UNC13C: variants seen among roughly 807,000 people sequenced by gnomAD.
The protein encoded by UNC13C is unc-13 homolog C.
In UNC13C, 174 loss-of-function variants were observed where a neutral mutation model predicts 245.4. That is an observed-to-expected ratio of 0.71 (90% CI 0.63 to 0.80). The LOEUF (loss-of-function observed/expected upper bound fraction) is 0.80. UNC13C is among the 30% of genes least tolerant of loss of function. The pLI, the probability that UNC13C is intolerant of heterozygous loss-of-function variation, is 0.00. For missense variants in UNC13C, 2,829 were observed against 2,602.9 expected, an observed-to-expected ratio of 1.09 and a Z score of -1.89; for synonymous variants, 992 against 895.1, an observed-to-expected ratio of 1.11 and a Z score of -1.93.
At chr15:54,429,672 A>G (rs982074836) in intron 19 of UNC13C, among the ~76,000 whole-genome samples, 3 of 151,650 alleles carry the variant, frequency 2.0e-5, no homozygotes, top group Non-Finnish European at 4.4e-5. Context: ...AATTCTACAC[A>G]AGGTACATTC....
chr15:54,193,493 T>C (rs2034255459), intron 4 of UNC13C, among the ~76,000 whole-genome samples: 1 of 152,122 alleles, frequency 6.6e-6, no homozygotes, highest in Non-Finnish European at 1.5e-5. Context: ...TTTTTCTCCT[T>C]CCCCTGTATC....
At chr15:54,097,366 T>C (rs1567011240) in intron 2 of UNC13C, among the ~76,000 whole-genome samples, 1 of 152,222 alleles carries the variant, frequency 6.6e-6, no homozygotes, top group Non-Finnish European at 1.5e-5. Flanking sequence ...ACAGGAGATA[T>C]GGATCTACCT....
chr15:53,866,788 TGA>T, the UNC13C span, among the ~76,000 whole-genome samples: 1 of 152,236 alleles, frequency 6.6e-6, no homozygotes, highest in Non-Finnish European at 1.5e-5. Context: ...TCACTAATTC[TGA>T]GAGTGTTGAA....
chr15:54,280,990 G>C (rs527385151), intron 10 of UNC13C, among the ~76,000 whole-genome samples: 1 of 151,830 alleles, frequency 6.6e-6, no homozygotes, highest in East Asian at 1.9e-4. Flanking sequence ...TAGAGATGAG[G>C]ATTTGCCATG....
rs139700618 is a variant in UNC13C at position 53,985,119 on chromosome 15, C to T, written c.-257+6192C>T. On this transcript the variant is annotated intron_variant, in intron 1 of 32. Coordinates refer to ENST00000260323, the MANE Select transcript of UNC13C (RefSeq NM_001080534.3). ...CCTCAATCCCCACCCTCCAACAGGC[C>T]CTGGTGTGTGTTGTTCCCCTCTCTG... Among the ~76,000 whole-genome samples the T allele has an allele frequency of 1.7e-3, 257 of 151,942 alleles. 1 individual carries two copies. The highest frequency in any genetic ancestry group is 3.1e-3 in the Admixed American group (47 of 15,268).
At chr15:54,188,813 T>C (rs374030330) in intron 4 of UNC13C, among the ~76,000 whole-genome samples, 2 of 152,192 alleles carry the variant, frequency 1.3e-5, no homozygotes, top group East Asian at 3.8e-4. Flanking sequence ...TATTGGAAAT[T>C]TAAAATTGAT....
chr15:54,337,119 T>C (rs890575733), intron 16 of UNC13C, among the ~76,000 whole-genome samples: 11 of 152,192 alleles, frequency 7.2e-5, no homozygotes, highest in African/African-American at 2.7e-4. Context: ...TCTCATGTTT[T>C]ATTTCTCTCC....
At chr15:54,009,597 A>G (rs1210105657) in intron 1 of UNC13C, among the ~76,000 whole-genome samples, 3 of 147,602 alleles carry the variant, frequency 2.0e-5, no homozygotes, top group African/African-American at 7.5e-5. Flanking sequence ...ACCAGGCTGG[A>G]GTGCAGTGGC....
chr15:54,321,286 C>A, intron 13 of UNC13C: 1 of 476,094 alleles, frequency 2.1e-6, no homozygotes, highest in South Asian at 1.6e-5. Context: ...TCAATCACTT[C>A]AATTTCCCTG....
chr15:53,956,905 T>C, the UNC13C span, among the ~76,000 whole-genome samples: 1,941 of 151,390 alleles, frequency 0.013, 44 homozygotes, highest in African/African-American at 0.046. Flanking sequence ...TGTGTGTGTG[T>C]GCATGCACAC....
At chr15:53,887,082 G>A in the UNC13C span, among the ~76,000 whole-genome samples, 1 of 152,136 alleles carries the variant, frequency 6.6e-6, no homozygotes, top group Non-Finnish European at 1.5e-5. Flanking sequence ...AAGAAGATCT[G>A]AGTAACTATG....
At chr15:53,901,919 G>T in the UNC13C span, among the ~76,000 whole-genome samples, 1 of 151,666 alleles carries the variant, frequency 6.6e-6, no homozygotes, top group African/African-American at 2.4e-5. Context: ...TTTTATTTAT[G>T]GTGAAAATTG....
At chr15:54,289,114 C>A (rs954142304) in intron 10 of UNC13C, among the ~76,000 whole-genome samples, 2 of 152,042 alleles carry the variant, frequency 1.3e-5, no homozygotes, top group Non-Finnish European at 2.9e-5. Flanking sequence ...CTTTTCTCAA[C>A]CCTGCAGAGT....
At chr15:54,413,829 C>G (rs1450442565) in intron 18 of UNC13C, among the ~76,000 whole-genome samples, 1 of 152,068 alleles carries the variant, frequency 6.6e-6, no homozygotes, top group Non-Finnish European at 1.5e-5. Context: ...TTCGAACCCC[C>G]AAATGTGGAT....
intron 4 of UNC13C, among the ~76,000 whole-genome samples, chr15:54,164,592 T>C (rs774964645): frequency 6.6e-6 from 1 of 152,186 alleles, no homozygotes; most frequent in Non-Finnish European, 1.5e-5. Context: ...GTATTGCAAG[T>C]GGTTACAGCA....
intron 17 of UNC13C, among the ~76,000 whole-genome samples, chr15:54,366,482 A>G (rs1364921741): frequency 6.6e-6 from 1 of 152,218 alleles, no homozygotes; most frequent in Non-Finnish European, 1.5e-5. Flanking sequence ...ATGAACACAC[A>G]TACACACACA....
At chr15:54,580,887 TTC>T in intron 30 of UNC13C, among the ~76,000 whole-genome samples, 1 of 152,174 alleles carries the variant, frequency 6.6e-6, no homozygotes, top group Non-Finnish European at 1.5e-5. Context: ...ACCTGAATGA[TTC>T]ACACCTGCAG....
At chr15:54,341,901 G>C (rs537846690) in intron 17 of UNC13C, among the ~76,000 whole-genome samples, 1 of 151,668 alleles carries the variant, frequency 6.6e-6, no homozygotes, top group Non-Finnish European at 1.5e-5. Flanking sequence ...GTGTGAACCC[G>C]GGAGGCGGAG....
At chr15:54,080,717 G>C (rs1377859820) in intron 2 of UNC13C, among the ~76,000 whole-genome samples, 2 of 151,656 alleles carry the variant, frequency 1.3e-5, no homozygotes, top group East Asian at 3.9e-4. Flanking sequence ...TCTTTTTCTT[G>C]GTTAATCTAG....
Sources: allele counts gnomAD v4.1 joint callset (sites outside exome capture counted in the v4.1 genomes callset), GRCh38; gene constraint gnomAD v4.1.1; transcripts MANE v1.5; gene names NCBI Gene and HGNC (gene_info 2026-07-23, HGNC 2026-07-21).